The following TRPM3 variants were observed in gnomAD, a reference collection of about 807,000 sequenced individuals.
The protein encoded by TRPM3 is long transient receptor potential channel 3.
Under a neutral mutation model 181.2 loss-of-function variants are expected in TRPM3, and 77 were observed. The observed-to-expected ratio is 0.42, with a 90% CI of 0.35 to 0.51. TRPM3 has a LOEUF of 0.51. Among genes scored for constraint, TRPM3 ranks in the 20% least tolerant of loss-of-function variants. The pLI is 0.01. For missense variants in TRPM3, 1,759 were observed against 2,196.7 expected, an observed-to-expected ratio of 0.80 and a Z score of 3.98; for synonymous variants, 745 against 796.4, an observed-to-expected ratio of 0.94 and a Z score of 1.09.
At chr9:70,614,469 C>A (rs10125964) in intron 18 of TRPM3, among the ~76,000 whole-genome samples, 7,025 of 152,118 alleles carry the variant, frequency 0.046, 226 homozygotes, top group African/African-American at 0.085. Context: ...TTACTCCAGC[C>A]TGGGTGACAG....
chr9:70,543,634 T>C (rs1443873955), intron 25 of TRPM3, among the ~76,000 whole-genome samples: 1 of 152,170 alleles, frequency 6.6e-6, no homozygotes. Flanking sequence ...ATACTAGTAA[T>C]AGCTATGTTT....
chr9:71,426,978 T>C (rs992665954), intron 1 of TRPM3, among the ~76,000 whole-genome samples: 12 of 152,196 alleles, frequency 7.9e-5, no homozygotes, highest in African/African-American at 2.4e-4. Flanking sequence ...TCTAATCCCA[T>C]GAAACTAGAT....
At chr9:70,610,902 T>C (rs553788583) in intron 18 of TRPM3, among the ~76,000 whole-genome samples, 153 bp from the exon 19 acceptor site, 1 of 152,286 alleles carries the variant, frequency 6.6e-6, no homozygotes, top group East Asian at 1.9e-4. Flanking sequence ...AAGAGTGCAT[T>C]TGCACTACAC....
At chr9:71,021,657 C>T (rs1323463316) in intron 1 of TRPM3, among the ~76,000 whole-genome samples, 1 of 152,100 alleles carries the variant, frequency 6.6e-6, no homozygotes, top group Non-Finnish European at 1.5e-5. Context: ...TGAAAAGTTT[C>T]ACCAGGTATA....
intron 1 of TRPM3, among the ~76,000 whole-genome samples, chr9:71,006,544 CA>C: frequency 6.6e-6 from 1 of 152,176 alleles, no homozygotes; most frequent in Middle Eastern, 3.4e-3. Context: ...GCAAAATCCC[CA>C]CAGGAGAAGT....
chr9:71,431,299 C>T (rs563158275), intron 1 of TRPM3, among the ~76,000 whole-genome samples: 2 of 152,186 alleles, frequency 1.3e-5, no homozygotes, highest in East Asian at 3.9e-4. Flanking sequence ...ATAACCAGGG[C>T]TTATCTAAAA....
chr9:70,544,059 G>A (rs925351200), intron 25 of TRPM3, among the ~76,000 whole-genome samples: 30 of 152,138 alleles, frequency 2.0e-4, no homozygotes, highest in African/African-American at 6.3e-4. Context: ...ACAAGCCACC[G>A]TTTTTTGAAG....
Position 70,625,531 on chromosome 9 carries a change from C to G in TRPM3, c.1633-14G>C. 6.2e-7 allele frequency: 1 copy of G among 1,608,750 alleles called. No homozygotes were observed. Among genetic ancestry groups the G allele is most frequent in the Non-Finnish European group, 8.5e-7 (1 of 1,178,312 alleles). On this transcript the variant is annotated splice_polypyrimidine_tract_variant and intron_variant, in intron 12 of 25. Transcript: ENST00000677713. This position sits in a 1 kb window ranked among gnomAD's most constrained non-coding sequence, Gnocchi z 4.8. ...TGGATACTCTCGCTTGGAAAGAAGACATAAGTTAAATAAGAAGATGCAGTA... is the reference window on the plus strand; with the variant it reads ...TGGATACTCTCGCTTGGAAAGAAGAGATAAGTTAAATAAGAAGATGCAGTA...
At chr9:71,221,297 C>T (rs570865223) in intron 1 of TRPM3, among the ~76,000 whole-genome samples, 2 of 152,070 alleles carry the variant, frequency 1.3e-5, no homozygotes, top group Non-Finnish European at 2.9e-5. Context: ...AAAAGTTTGC[C>T]GACCCTCATC....
intron 1 of TRPM3, among the ~76,000 whole-genome samples, chr9:70,987,573 C>T (rs978560998): frequency 2.0e-5 from 3 of 151,954 alleles, no homozygotes; most frequent in Non-Finnish European, 4.4e-5. Context: ...TGGCAAAAAC[C>T]GCAATTAATT....
chr9:71,312,943 T>C (rs2088116895), intron 1 of TRPM3, among the ~76,000 whole-genome samples: 1 of 152,056 alleles, frequency 6.6e-6, no homozygotes, highest in Non-Finnish European at 1.5e-5. Flanking sequence ...GGCAGTGAAA[T>C]TGCTCTGTAT....
At chr9:71,212,984 C>T (rs2079601792) in intron 1 of TRPM3, among the ~76,000 whole-genome samples, 1 of 152,034 alleles carries the variant, frequency 6.6e-6, no homozygotes, top group African/African-American at 2.4e-5. Flanking sequence ...AAATCAAAAA[C>T]AAAACAAATA....
intron 1 of TRPM3, among the ~76,000 whole-genome samples, chr9:70,948,129 T>TG (rs936722912): frequency 6.6e-6 from 1 of 152,056 alleles, no homozygotes; most frequent in African/African-American, 2.4e-5. Flanking sequence ...TTTTTTTTTT[T>TG]TTGTCTTTCA....
chr9:70,609,231 G>C (rs1041962623), intron 19 of TRPM3, among the ~76,000 whole-genome samples: 3 of 152,180 alleles, frequency 2.0e-5, no homozygotes, highest in Non-Finnish European at 4.4e-5. Flanking sequence ...CACCCAGGCT[G>C]TCTGATTCCA....
chr9:70,943,045 T>C (rs938060646), intron 1 of TRPM3, among the ~76,000 whole-genome samples: 7 of 152,030 alleles, frequency 4.6e-5, no homozygotes, highest in Non-Finnish European at 1.0e-4. Flanking sequence ...TGAATTTCTA[T>C]GTAAGTTCCA....
intron 1 of TRPM3, among the ~76,000 whole-genome samples, chr9:71,405,299 C>G (rs1387735057): frequency 6.6e-6 from 1 of 152,130 alleles, no homozygotes; most frequent in East Asian, 1.9e-4. Context: ...GCAAAATGCA[C>G]AAATTTTTTT....
chr9:71,263,835 A>T (rs192499699), intron 1 of TRPM3, among the ~76,000 whole-genome samples: 1 of 152,186 alleles, frequency 6.6e-6, no homozygotes, highest in Non-Finnish European at 1.5e-5. Context: ...GCTGGAGCAC[A>T]GTGGCATGAT....
rs1456065522 is a variant in TRPM3 at position 71,168,504 on chromosome 9, A to AT, written c.183+278148dup. On this transcript the variant is annotated intron_variant, in intron 1 of 24. Coordinates refer to the TRPM3 transcript ENST00000357533. Reference sequence around the variant, plus strand: ...CTAAGCACCCTTCTTTAGCCCTGACATTTTTCTTTTTTTTTTTTTTTTTAA... The same window carrying AT: ...CTAAGCACCCTTCTTTAGCCCTGACATTTTTTCTTTTTTTTTTTTTTTTTAA... 3.3e-3 allele frequency among the ~76,000 whole-genome samples: 198 copies of AT among 60,790 alleles called. 2 individuals are homozygous for AT. The highest frequency in any genetic ancestry group is 5.2e-3 in the Non-Finnish European group (157 of 30,390). The allele number at this position is 60,790 out of a possible 152,430, so 39.9% of individuals were successfully genotyped here. A position where few individuals can be genotyped will look rare whatever the true frequency, so the allele number is the denominator to read the frequency against.
intron 1 of TRPM3, among the ~76,000 whole-genome samples, chr9:71,368,317 TC>T (rs1053897065): frequency 8.5e-5 from 13 of 152,156 alleles, no homozygotes; most frequent in African/African-American, 2.4e-4. Flanking sequence ...CCTGAATCTT[TC>T]ACTAGCCAAC....
Sources: allele counts gnomAD v4.1 joint callset (sites outside exome capture counted in the v4.1 genomes callset), GRCh38; gene constraint gnomAD v4.1.1; non-coding constraint Gnocchi (gnomAD v3.1); transcripts MANE v1.5; gene names NCBI Gene and HGNC (gene_info 2026-07-23, HGNC 2026-07-21).